Variants in DRD2 observed in about 807,000 individuals in gnomAD.
The protein encoded by DRD2 is D(2) dopamine receptor.
Under a neutral mutation model 38.0 loss-of-function variants are expected in DRD2, and 8 were observed. That is an observed-to-expected ratio of 0.21 (90% CI 0.12 to 0.38). DRD2 has a LOEUF of 0.38. Among genes scored for constraint, DRD2 ranks in the 10% least tolerant of loss-of-function variants. The probability of loss-of-function intolerance (pLI) is 1.00; values close to 1 mark genes in which losing one functional copy is unlikely to be tolerated. For missense variants in DRD2, 403 were observed against 607.7 expected (o/e 0.66, Z 3.54); for synonymous variants, 230 against 238.6 (o/e 0.96, Z 0.33).
At chr11:113,417,608 G>A (rs936188634) in intron 3 of DRD2, among the ~76,000 whole-genome samples, 3 of 152,188 alleles carry the variant, frequency 2.0e-5, no homozygotes, top group African/African-American at 7.2e-5. Context: ...CATGTGCCAA[G>A]GACATAAAAT....
chr11:113,457,081 G>A (rs556666418), intron 1 of DRD2, among the ~76,000 whole-genome samples: 9 of 152,258 alleles, frequency 5.9e-5, no homozygotes, highest in Admixed American at 5.9e-4. Flanking sequence ...GACACCAGGA[G>A]ACCCAAGCAG....
intron 1 of DRD2, chr11:113,447,736 C>G (rs894283485): frequency 6.6e-6 from 1 of 152,268 alleles, no homozygotes; most frequent in Non-Finnish European, 1.5e-5. Flanking sequence ...GGCCCCTGCT[C>G]TGCCCCACAT....
chr11:113,450,136 G>A (rs1471453480), intron 1 of DRD2: 1 of 154,304 alleles, frequency 6.5e-6, no homozygotes, highest in African/African-American at 2.4e-5. Context: ...ATTTGAGAAT[G>A]GAAACAATAT....
rs557036496 is a variant in DRD2 at position 113,415,485 on chromosome 11, C to T, written c.659G>A (p.Arg220His). Reference protein sequence around the residue: ...IKIYIVLRRRRKRVNTKRSSR... With the variant: ...IKIYIVLRRRHKRVNTKRSSR... ...GCTGCGTTTGGTGTTGACTCGCTTG[C>T]GGCGTCTGCGGAGGACAATGTAGAT... Residue 220 changes from arginine (R) to histidine (H), a missense_variant, in exon 5 of 8, where the codon CGC becomes CAC. Transcript: ENST00000362072. The T allele has an allele frequency of 1.7e-5, 28 of 1,614,038 alleles. No individual in the cohort carries two copies. The highest frequency in any genetic ancestry group is 5.0e-5 in the Admixed American group (3 of 60,020).
chr11:113,412,915 C>A (rs901166049), intron 6 of DRD2, 32 bp from the exon 7 acceptor site: 4 of 1,595,812 alleles, frequency 2.5e-6, no homozygotes, highest in Non-Finnish European at 3.4e-6. Context: ...CTGGGTAAAG[C>A]CGGACAAGTT....
At chr11:113,458,146 G>A (rs1032340073) in intron 1 of DRD2, among the ~76,000 whole-genome samples, 2 of 152,268 alleles carry the variant, frequency 1.3e-5, no homozygotes, top group Non-Finnish European at 2.9e-5. Context: ...CAACAGCTCT[G>A]CTGGTTAAAT....
At chr11:113,412,509 G>T in intron 7 of DRD2, 47 bp downstream of exon 7, 1 of 1,601,720 alleles carries the variant, frequency 6.2e-7, no homozygotes, top group Non-Finnish European at 8.5e-7. Context: ...GCAGGGAATG[G>T]GACCTTTCAC....
At chr11:113,447,897 T>G (rs1346582234) in intron 1 of DRD2, among the ~76,000 whole-genome samples, 1 of 152,158 alleles carries the variant, frequency 6.6e-6, no homozygotes, top group African/African-American at 2.4e-5. Flanking sequence ...TCTCCAGCCT[T>G]GTCCATGTTG....
chr11:113,437,150 G>A (rs533841588), intron 1 of DRD2, among the ~76,000 whole-genome samples: 26 of 152,208 alleles, frequency 1.7e-4, no homozygotes, highest in Non-Finnish European at 2.5e-4. Flanking sequence ...CAGGCACCAC[G>A]TGAAGTGCTG....
At chr11:113,459,706 A>G (rs1426157589) in intron 1 of DRD2, among the ~76,000 whole-genome samples, 1 of 152,216 alleles carries the variant, frequency 6.6e-6, no homozygotes, top group Non-Finnish European at 1.5e-5. Context: ...ACAGAATAAG[A>G]TCTACCAATA....
intron 1 of DRD2, among the ~76,000 whole-genome samples, chr11:113,466,379 C>A (rs923740874): frequency 6.6e-6 from 1 of 152,162 alleles, no homozygotes; most frequent in Non-Finnish European, 1.5e-5. Context: ...TCTTCAGGTC[C>A]CCAGGCTGAC....
At chr11:113,429,284 A>G (rs1252297576) in intron 1 of DRD2, among the ~76,000 whole-genome samples, 1 of 151,848 alleles carries the variant, frequency 6.6e-6, no homozygotes. Context: ...TTGCTCTGTC[A>G]CCCGGGCTGG....
chr11:113,433,801 C>T (rs1007418019), intron 1 of DRD2, among the ~76,000 whole-genome samples: 1 of 152,102 alleles, frequency 6.6e-6, no homozygotes, highest in Non-Finnish European at 1.5e-5. Flanking sequence ...CAACCCGGGT[C>T]GCCTGCTCCA....
intron 1 of DRD2, among the ~76,000 whole-genome samples, chr11:113,435,065 G>C (rs534184620): frequency 6.6e-6 from 1 of 152,312 alleles, no homozygotes; most frequent in South Asian, 2.1e-4. Context: ...AGGTGGCCCT[G>C]GGCCTGCTCA....
intron 7 of DRD2, 132 bp from the exon 8 acceptor site, chr11:113,411,052 C>A: frequency 1.0e-6 from 1 of 989,904 alleles, no homozygotes; most frequent in East Asian, 2.6e-5. Context: ...TAGGAGGAGT[C>A]CAGGTCTTGG....
chr11:113,417,595 G>T (rs1950839558), intron 3 of DRD2, among the ~76,000 whole-genome samples: 1 of 152,128 alleles, frequency 6.6e-6, no homozygotes, highest in African/African-American at 2.4e-5. Flanking sequence ...TGGGACCCTT[G>T]GCCATGTGCC....
intron 1 of DRD2, among the ~76,000 whole-genome samples, chr11:113,443,200 C>T (rs1418083691): frequency 6.6e-6 from 1 of 152,110 alleles, no homozygotes; most frequent in Non-Finnish European, 1.5e-5. Context: ...CTCACCATGG[C>T]CTCTATTGCT....
chr11:113,413,561 C>T (rs1457016737), intron 6 of DRD2, among the ~76,000 whole-genome samples: 2 of 152,238 alleles, frequency 1.3e-5, no homozygotes, highest in African/African-American at 2.4e-5. Flanking sequence ...GCCTAGGTGG[C>T]ATGACTGGGC....
chr11:113,413,008 AG>A, intron 6 of DRD2, 125 bp from the exon 7 acceptor site: 1 of 1,095,400 alleles, frequency 9.1e-7, no homozygotes, highest in Admixed American at 2.2e-5. Flanking sequence ...TCACCCTGCC[AG>A]GGAGGCAAGG....
Sources: allele counts gnomAD v4.1 joint callset (sites outside exome capture counted in the v4.1 genomes callset), GRCh38; gene constraint gnomAD v4.1.1; transcripts MANE v1.5; gene names NCBI Gene and HGNC (gene_info 2026-07-23, HGNC 2026-07-21).